Variants in UBAC2 observed in about 807,000 individuals in gnomAD.
UBAC2 encodes the protein UBA domain containing 2.
A neutral mutation model predicts 44.0 loss-of-function variants in UBAC2; 26 were observed. That is an observed-to-expected ratio of 0.59 (90% CI 0.43 to 0.82). UBAC2 has a LOEUF of 0.82. UBAC2 is among the 40% of genes least tolerant of loss of function. The probability of loss-of-function intolerance (pLI) is 0.00; values close to 1 mark genes in which losing one functional copy is unlikely to be tolerated. For missense variants in UBAC2, 329 were observed against 419.4 expected, an observed-to-expected ratio of 0.78 and a Z score of 1.88; for synonymous variants, 155 against 154.3, an observed-to-expected ratio of 1.00 and a Z score of -0.04.
Position 99,314,172 on chromosome 13 carries a change from T to G in UBAC2, c.465T>G (p.Gly155=), listed in dbSNP as rs1201772587. The change falls in exon 5 of 9, where the codon GGT becomes GGG. Residue 155 remains glycine, a synonymous_variant. Coordinates refer to ENST00000403766, the MANE Select transcript of UBAC2 (RefSeq NM_001144072.2). ...IPRVQVAQIL[G]PLSITNKTLI... ...GAGTCCAAGTGGCACAAATTCTGGG[T>G]CCGTTGTCCATCACAAACAAGACAT... The G allele has an allele frequency of 6.2e-7, 1 of 1,613,684 alleles. No individual in the cohort carries two copies. Among genetic ancestry groups the G allele is most frequent in the African/African-American group, 1.3e-5 (1 of 74,858 alleles).
At chr13:99,218,077 T>A (rs562601393) in intron 1 of UBAC2, among the ~76,000 whole-genome samples, 2 of 152,348 alleles carry the variant, frequency 1.3e-5, no homozygotes, top group South Asian at 2.1e-4. Flanking sequence ...GTTAACTGAT[T>A]TATCCCATAT....
intron 8 of UBAC2, among the ~76,000 whole-genome samples, chr13:99,378,278 G>T (rs2045507623): frequency 6.6e-6 from 1 of 152,200 alleles, no homozygotes; most frequent in Non-Finnish European, 1.5e-5. Flanking sequence ...TGTAATTCCA[G>T]CAAGTTGGGA....
At chr13:99,375,541 C>T (rs774523251) in intron 8 of UBAC2, among the ~76,000 whole-genome samples, 5 of 152,154 alleles carry the variant, frequency 3.3e-5, no homozygotes, top group Non-Finnish European at 5.9e-5. Flanking sequence ...TTCAGGTGGG[C>T]ATCGCTTTCT....
intron 1 of UBAC2, among the ~76,000 whole-genome samples, chr13:99,203,780 G>C (rs890093399): frequency 1.3e-5 from 2 of 152,164 alleles, no homozygotes; most frequent in Non-Finnish European, 2.9e-5. Context: ...GAGGGTAGCC[G>C]GGAAGGTGAC....
intron 1 of UBAC2, among the ~76,000 whole-genome samples, chr13:99,238,097 T>C (rs1258731959): frequency 6.6e-6 from 1 of 152,252 alleles, no homozygotes; most frequent in Non-Finnish European, 1.5e-5. Context: ...ACTGGCTGAT[T>C]TGATAGAAAC....
intron 1 of UBAC2, chr13:99,215,605 C>T (rs1046668185): frequency 5.4e-5 from 72 of 1,323,074 alleles, no homozygotes; most frequent in Non-Finnish European, 6.9e-5. Context: ...CTGTACACAG[C>T]GGCAGTTGCA....
At chr13:99,292,248 G>A (rs1216944546) in intron 4 of UBAC2, among the ~76,000 whole-genome samples, 3 of 151,006 alleles carry the variant, frequency 2.0e-5, no homozygotes, top group Non-Finnish European at 2.9e-5. Context: ...CCATTCTCCC[G>A]CCTCAGCCTC....
At chr13:99,302,336 G>A (rs546613869) in intron 4 of UBAC2, among the ~76,000 whole-genome samples, 53 of 152,192 alleles carry the variant, frequency 3.5e-4, no homozygotes, top group Non-Finnish European at 6.8e-4. Context: ...TGAAAGCTCA[G>A]GGTTAATTGA....
chr13:99,205,224 A>C (rs1012928080), intron 1 of UBAC2, among the ~76,000 whole-genome samples: 5 of 151,980 alleles, frequency 3.3e-5, no homozygotes, highest in African/African-American at 9.7e-5. Context: ...TTAAGTGGAG[A>C]GGAGGCTTAG....
At chr13:99,341,631 G>A (rs1465487283) in intron 7 of UBAC2, among the ~76,000 whole-genome samples, 1 of 152,168 alleles carries the variant, frequency 6.6e-6, no homozygotes, top group Admixed American at 6.5e-5. Flanking sequence ...CACCTCTGTA[G>A]GGATGAGAGC....
chr13:99,256,410 G>C (rs1234137684), intron 4 of UBAC2: 1 of 152,168 alleles, frequency 6.6e-6, no homozygotes, highest in African/African-American at 2.4e-5. Flanking sequence ...TAGACTGTTA[G>C]AGCAATAGAT....
intron 1 of UBAC2, among the ~76,000 whole-genome samples, chr13:99,207,005 C>G (rs1395679008): frequency 6.6e-6 from 1 of 152,204 alleles, no homozygotes; most frequent in African/African-American, 2.4e-5. Context: ...ATTCTGAACT[C>G]TTTCTTCCCT....
At chr13:99,225,610 A>G (rs1487035586) in intron 1 of UBAC2, among the ~76,000 whole-genome samples, 1 of 152,066 alleles carries the variant, frequency 6.6e-6, no homozygotes, top group Non-Finnish European at 1.5e-5. Context: ...CACCTCCTTC[A>G]CATCACTCCC....
intron 8 of UBAC2, 51 bp from the exon 9 acceptor site, chr13:99,385,177 A>G (rs1456003684): frequency 7.4e-7 from 1 of 1,353,122 alleles, no homozygotes; most frequent in South Asian, 1.2e-5. Context: ...GGGCCCAGGG[A>G]TAAGCGGCAA....
chr13:99,334,606 G>T (rs2044761261), intron 6 of UBAC2, among the ~76,000 whole-genome samples: 1 of 152,066 alleles, frequency 6.6e-6, no homozygotes, highest in African/African-American at 2.4e-5. Flanking sequence ...AATTTTGAAT[G>T]CATATTATAA....
chr13:99,238,489 C>G lies in UBAC2; in HGVS notation c.94C>G (p.Leu32Val), dbSNP rs769405857. The change falls in exon 2 of 9, where the codon CTC becomes GTC. Residue 32 changes from leucine to valine, a missense_variant. Physicochemically the swap from Leu to Val is conservative, Grantham distance 32. Transcript: ENST00000403766. ...CAGTGCCCTCTCCCTCCTGCTCGCCCTCCTCCTGCCTCACTGCCAGAAGCT... is the reference window on the plus strand; with the variant it reads ...CAGTGCCCTCTCCCTCCTGCTCGCCGTCCTCCTGCCTCACTGCCAGAAGCT... ...VPSALSLLLA[L>V]LLPHCQKLFV... 2 of 1,613,846 alleles carry G rather than the reference C, an allele frequency of 1.2e-6. No individual in the cohort carries two copies. The highest frequency in any genetic ancestry group is 2.7e-5 in the African/African-American group (2 of 74,928).
chr13:99,249,724 G>T (rs960311842), intron 4 of UBAC2, among the ~76,000 whole-genome samples: 2 of 151,936 alleles, frequency 1.3e-5, no homozygotes, highest in Non-Finnish European at 2.9e-5. Context: ...TTTCTTCCCA[G>T]ATCTCACCAG....
At chr13:99,219,837 C>CT (rs1258727043) in intron 1 of UBAC2, among the ~76,000 whole-genome samples, 8 of 152,226 alleles carry the variant, frequency 5.3e-5, no homozygotes. Context: ...ATATGACTGG[C>CT]TTTTTTTCAC....
chr13:99,270,350 A>G (rs2043799989), intron 4 of UBAC2, among the ~76,000 whole-genome samples: 2 of 152,198 alleles, frequency 1.3e-5, no homozygotes, highest in Admixed American at 1.3e-4. Context: ...TGAACCACAG[A>G]CTGTTTTCAC....
Sources: gnomAD v4.1 joint callset for allele counts (sites outside exome capture counted in the v4.1 genomes callset) on GRCh38, gnomAD v4.1.1 for gene constraint, MANE v1.5 for transcripts, NCBI Gene and HGNC (gene_info 2026-07-23, HGNC 2026-07-21) for gene names.